RSPO2: variants seen among roughly 807,000 people sequenced by gnomAD.
RSPO2 encodes the protein R-spondin-2.
RSPO2 carries 14 observed loss-of-function variants against 30.9 expected under a neutral mutation model. The ratio of observed to expected loss-of-function variants is 0.45; its 90% confidence interval spans 0.30 to 0.71. The LOEUF (loss-of-function observed/expected upper bound fraction) is 0.71, where lower values mean the gene tolerates loss of function less well. Among genes scored for constraint, RSPO2 ranks in the 30% least tolerant of loss-of-function variants. RSPO2 has a pLI of 0.08. For missense variants in RSPO2, 264 were observed against 301.9 expected (o/e 0.87, Z 0.93); for synonymous variants, 107 against 96.4 (o/e 1.11, Z -0.64).
chr8:107,928,019 C>T (rs955846929), intron 5 of RSPO2, among the ~76,000 whole-genome samples: 4 of 152,132 alleles, frequency 2.6e-5, no homozygotes, highest in African/African-American at 7.2e-5. Context: ...AATCACTGTG[C>T]AGGTAAAGAC....
intron 3 of RSPO2, chr8:107,983,646 T>C (rs1814526241): frequency 6.3e-7 from 1 of 1,595,186 alleles, no homozygotes; most frequent in African/African-American, 1.3e-5. Context: ...AAATTGCAGA[T>C]TTGAAGAGGC....
At chr8:108,066,087 G>A (rs1027303799) in intron 2 of RSPO2, among the ~76,000 whole-genome samples, 17 of 151,968 alleles carry the variant, frequency 1.1e-4, no homozygotes, top group East Asian at 7.7e-4. Flanking sequence ...AGAGTGCACA[G>A]AAACAGACAA....
At chr8:107,977,741 T>C (rs1055244696) in intron 3 of RSPO2, among the ~76,000 whole-genome samples, 3 of 152,144 alleles carry the variant, frequency 2.0e-5, no homozygotes, top group Admixed American at 6.5e-5. Context: ...AGGTATCACA[T>C]ATCTTTGCCA....
intron 3 of RSPO2, among the ~76,000 whole-genome samples, chr8:107,979,328 A>G (rs1814337365): frequency 6.6e-6 from 1 of 152,232 alleles, no homozygotes; most frequent in Admixed American, 6.5e-5. Context: ...TGGCACATAT[A>G]CACCATGGAA....
At chr8:108,071,279 G>A (rs1812835275) in intron 2 of RSPO2, among the ~76,000 whole-genome samples, 1 of 152,068 alleles carries the variant, frequency 6.6e-6, no homozygotes, top group Non-Finnish European at 1.5e-5. Context: ...ATTTAAATGA[G>A]GGGAAAAAAG....
intron 5 of RSPO2, among the ~76,000 whole-genome samples, chr8:107,932,001 T>G (rs1586555481): frequency 6.6e-6 from 1 of 151,850 alleles, no homozygotes. Context: ...GCAATGTATG[T>G]TTTTTTTAAA....
chr8:108,016,767 C>A (rs1034728937), intron 2 of RSPO2, among the ~76,000 whole-genome samples: 1 of 152,072 alleles, frequency 6.6e-6, no homozygotes, highest in Non-Finnish European at 1.5e-5. Context: ...GCAATAAGTT[C>A]TCATAAGATG....
chr8:108,061,801 C>A (rs1443341747), intron 2 of RSPO2, among the ~76,000 whole-genome samples: 1 of 151,780 alleles, frequency 6.6e-6, no homozygotes, highest in Non-Finnish European at 1.5e-5. Flanking sequence ...CACTCCTCAG[C>A]AAATGTAAAA....
rs538284275 is a variant in RSPO2, at chr8:108,018,007, T to C, written c.95-28763A>G. On this transcript the variant is annotated intron_variant, in intron 2 of 5. Coordinates refer to ENST00000276659, the MANE Select transcript of RSPO2 (RefSeq NM_178565.5). ...AAGGCTCAGTCTACAGAATCTTGCA[T>C]CATTCAGCAATTCAGAAAAACTTAA... Among the ~76,000 whole-genome samples the C allele has an allele frequency of 4.6e-5, 7 of 152,322 alleles. No individual in the cohort carries two copies. In the South Asian group the frequency reaches 1.4e-3, roughly 32 times the overall value.
chr8:108,059,652 C>T (rs1444519343), intron 2 of RSPO2, among the ~76,000 whole-genome samples: 1 of 147,506 alleles, frequency 6.8e-6, no homozygotes, highest in Non-Finnish European at 1.5e-5. Context: ...CACATATACA[C>T]CATGGAATAC....
intron 2 of RSPO2, among the ~76,000 whole-genome samples, chr8:108,001,243 A>G (rs962505891): frequency 6.6e-6 from 1 of 152,126 alleles, no homozygotes; most frequent in Non-Finnish European, 1.5e-5. Context: ...AGTCATGAAT[A>G]CCCCAAATCA....
chr8:107,926,876 C>G (rs537277384), intron 5 of RSPO2, among the ~76,000 whole-genome samples: 1 of 152,118 alleles, frequency 6.6e-6, no homozygotes, highest in Non-Finnish European at 1.5e-5. Context: ...CTTAGCAATG[C>G]GAGCTCTTTT....
intron 2 of RSPO2, among the ~76,000 whole-genome samples, chr8:108,041,419 G>T (rs1237820590): frequency 6.6e-6 from 1 of 152,002 alleles, no homozygotes; most frequent in African/African-American, 2.4e-5. Context: ...GATACACATG[G>T]AAGAGATCAT....
At chr8:107,996,579 A>C (rs999978666) in intron 2 of RSPO2, among the ~76,000 whole-genome samples, 3 of 152,208 alleles carry the variant, frequency 2.0e-5, no homozygotes, top group African/African-American at 7.2e-5. Flanking sequence ...TGGTTTAAGG[A>C]GGAGGTTCAC....
At chr8:107,944,239 T>A (rs944095641) in intron 5 of RSPO2, among the ~76,000 whole-genome samples, 2 of 152,154 alleles carry the variant, frequency 1.3e-5, no homozygotes, top group African/African-American at 4.8e-5. Context: ...CTGTGAAAAT[T>A]TTCTCGTAGG....
At chr8:107,950,143 A>ACG (rs4035017) in intron 5 of RSPO2, among the ~76,000 whole-genome samples, 1 of 151,908 alleles carries the variant, frequency 6.6e-6, no homozygotes, top group Non-Finnish European at 1.5e-5. Flanking sequence ...CCCTGAACAC[A>ACG]TGCACACTTT....
At chr8:107,925,850 T>C (rs1309884011) in intron 5 of RSPO2, among the ~76,000 whole-genome samples, 1 of 152,232 alleles carries the variant, frequency 6.6e-6, no homozygotes, top group Non-Finnish European at 1.5e-5. Flanking sequence ...TTGTGAGTAG[T>C]GCCACAATAA....
intron 2 of RSPO2, among the ~76,000 whole-genome samples, chr8:108,063,904 AC>A (rs1319948628): frequency 1.3e-5 from 2 of 152,242 alleles, no homozygotes; most frequent in African/African-American, 4.8e-5. Context: ...TCTTTGATAA[AC>A]CTGAGAAAAA....
chr8:108,003,759 A>G (rs1376364492), intron 2 of RSPO2, among the ~76,000 whole-genome samples: 1 of 152,156 alleles, frequency 6.6e-6, no homozygotes, highest in Admixed American at 6.5e-5. Flanking sequence ...AATGCTTCTG[A>G]TGTATAATTT....
Sources: gnomAD v4.1 joint callset for allele counts (sites outside exome capture counted in the v4.1 genomes callset) on GRCh38, gnomAD v4.1.1 for gene constraint, MANE v1.5 for transcripts, NCBI Gene and HGNC (gene_info 2026-07-23, HGNC 2026-07-21) for gene names.